CWC27: variants seen among roughly 807,000 people sequenced by gnomAD.
The protein encoded by CWC27 is spliceosome-associated protein CWC27 homolog.
Under a neutral mutation model 63.6 loss-of-function variants are expected in CWC27, and 47 were observed. That is an observed-to-expected ratio of 0.74 (90% CI 0.58 to 0.94). The LOEUF is 0.94. Ranked by LOEUF, CWC27 falls within the 40% of genes least tolerant of loss-of-function variation. The pLI is 0.00. For synonymous variants in CWC27, 175 were observed against 179.8 expected, an observed-to-expected ratio of 0.97 and a Z score of 0.22; for missense variants, 495 against 554.3, an observed-to-expected ratio of 0.89 and a Z score of 1.07.
At chr5:64,904,316 A>G (rs1747573928) in intron 11 of CWC27, among the ~76,000 whole-genome samples, 2 of 152,236 alleles carry the variant, frequency 1.3e-5, no homozygotes, top group Admixed American at 6.5e-5. Flanking sequence ...TAAGTTTTTC[A>G]TAGTTTCTAT....
chr5:64,854,602 TA>T (rs1332199171), intron 10 of CWC27, among the ~76,000 whole-genome samples: 3 of 152,250 alleles, frequency 2.0e-5, no homozygotes, highest in African/African-American at 7.2e-5. Flanking sequence ...TTGGTTTTCA[TA>T]ATGTTTGCTT....
intron 10 of CWC27, among the ~76,000 whole-genome samples, chr5:64,806,504 C>T (rs757948374): frequency 3.3e-5 from 5 of 152,180 alleles, no homozygotes; most frequent in African/African-American, 4.8e-5. Flanking sequence ...TCATTATTCA[C>T]ATTCTCTACT....
chr5:64,863,924 C>T (rs1008757863), intron 10 of CWC27, among the ~76,000 whole-genome samples: 2 of 152,192 alleles, frequency 1.3e-5, no homozygotes, highest in Non-Finnish European at 2.9e-5. Context: ...TGTCCTGAAT[C>T]AGTTACTTCA....
intron 10 of CWC27, among the ~76,000 whole-genome samples, chr5:64,814,938 G>A (rs934767081): frequency 1.3e-5 from 2 of 151,988 alleles, no homozygotes; most frequent in African/African-American, 2.4e-5. Flanking sequence ...TTAAGACATG[G>A]TAACAGATTG....
intron 11 of CWC27, among the ~76,000 whole-genome samples, chr5:64,933,495 CTT>C (rs763750959): frequency 1.9e-4 from 26 of 138,484 alleles, no homozygotes; most frequent in African/African-American, 3.0e-4. Flanking sequence ...TTTTCTTTCT[CTT>C]TTTTTTTTTT....
intron 10 of CWC27, among the ~76,000 whole-genome samples, chr5:64,872,253 G>T (rs996817288): frequency 1.3e-5 from 2 of 152,134 alleles, no homozygotes; most frequent in African/African-American, 4.8e-5. Flanking sequence ...CTCATTTTAT[G>T]CCTTATTCTT....
intron 11 of CWC27, among the ~76,000 whole-genome samples, chr5:64,932,894 A>C (rs542996881): frequency 6.6e-6 from 1 of 152,174 alleles, no homozygotes; most frequent in Non-Finnish European, 1.5e-5. Context: ...CCCAGAAGTG[A>C]TTCATCTATA....
chr5:64,788,668 T>C (rs9291823), intron 6 of CWC27, among the ~76,000 whole-genome samples: 1 of 151,316 alleles, frequency 6.6e-6, no homozygotes, highest in Non-Finnish European at 1.5e-5. Context: ...TGTCATGCTT[T>C]ACTCAGTAAA....
chr5:64,829,995 T>G lies in CWC27; in HGVS notation c.938+25609T>G, dbSNP rs1745473124. Among the ~76,000 whole-genome samples the G allele has an allele frequency of 2.0e-5, 3 of 148,176 alleles. No individual in the cohort carries two copies. The South Asian group carries it at 6.4e-4, about 32-fold the overall frequency. ...AACTCATCTTTTTTTTTTTTTTCGCTATGCCATTTTTTTTTCTTTTCTTTT... is the reference window on the plus strand; with the variant it reads ...AACTCATCTTTTTTTTTTTTTTCGCGATGCCATTTTTTTTTCTTTTCTTTT... On this transcript the variant is annotated intron_variant, in intron 10 of 13. Transcript: ENST00000381070.
At chr5:65,009,956 C>T (rs1022545540) in intron 13 of CWC27, among the ~76,000 whole-genome samples, 8 of 152,116 alleles carry the variant, frequency 5.3e-5, no homozygotes, top group Admixed American at 3.9e-4. Context: ...CCTCAGGCCA[C>T]GTGAGGTAAA....
chr5:64,903,952 C>T (rs1747566417), intron 11 of CWC27, among the ~76,000 whole-genome samples: 1 of 152,174 alleles, frequency 6.6e-6, no homozygotes, highest in African/African-American at 2.4e-5. Context: ...GCATATAACA[C>T]ATTTTGTTTA....
intron 11 of CWC27, among the ~76,000 whole-genome samples, chr5:64,906,029 G>A (rs963234296): frequency 3.4e-4 from 51 of 152,070 alleles, no homozygotes; most frequent in African/African-American, 3.9e-4. Context: ...TTATGGCTGC[G>A]TAGTATTCCA....
chr5:64,972,586 C>T (rs552301985), intron 12 of CWC27: 16 of 401,694 alleles, frequency 4.0e-5, no homozygotes, highest in African/African-American at 6.3e-5. Flanking sequence ...ATAAATAAAA[C>T]GGGCAAAGTA....
chr5:64,779,928 C>T (rs1743603372), intron 2 of CWC27, among the ~76,000 whole-genome samples: 1 of 152,186 alleles, frequency 6.6e-6, no homozygotes, highest in Non-Finnish European at 1.5e-5. Context: ...GCCTGCTTCT[C>T]CTTTGCCATC....
chr5:64,899,364 A>C (rs1269058396), intron 11 of CWC27, among the ~76,000 whole-genome samples: 1 of 152,250 alleles, frequency 6.6e-6, no homozygotes, highest in African/African-American at 2.4e-5. Flanking sequence ...AATACTTTGC[A>C]TAGTAATGGG....
chr5:64,829,117 T>C (rs1745445245), intron 10 of CWC27, among the ~76,000 whole-genome samples: 1 of 152,194 alleles, frequency 6.6e-6, no homozygotes, highest in South Asian at 2.1e-4. Context: ...GATAGTTAGA[T>C]TGCTAATGTC....
intron 10 of CWC27, among the ~76,000 whole-genome samples, chr5:64,862,090 CA>C (rs1448754936): frequency 6.6e-6 from 1 of 152,044 alleles, no homozygotes; most frequent in Non-Finnish European, 1.5e-5. Flanking sequence ...TGCCATATAA[CA>C]GAATCCTTTC....
At chr5:64,780,686 C>T (rs1368031979) in intron 2 of CWC27, among the ~76,000 whole-genome samples, 8 of 41,174 alleles carry the variant, frequency 1.9e-4, no homozygotes, top group Middle Eastern at 0.017. Context: ...TGTATACACA[C>T]GCGCACACGC....
intron 10 of CWC27, among the ~76,000 whole-genome samples, chr5:64,859,023 TTATTGGAAATGTTTATGGAATG>T (rs1746332073): frequency 6.6e-6 from 1 of 152,316 alleles, no homozygotes; most frequent in South Asian, 2.1e-4. Flanking sequence ...AAGTAAACAA[TTATTGGAAATGTTTATGGAATG>T]TATTGGAAAT....
Sources: allele counts gnomAD v4.1 joint callset (sites outside exome capture counted in the v4.1 genomes callset), GRCh38; gene constraint gnomAD v4.1.1; transcripts MANE v1.5; gene names NCBI Gene and HGNC (gene_info 2026-07-23, HGNC 2026-07-21).